Variants in CHN2 observed in about 807,000 individuals in gnomAD.
CHN2 encodes beta-chimaerin.
A neutral mutation model predicts 56.3 loss-of-function variants in CHN2; 35 were observed. That is an observed-to-expected ratio of 0.62 (90% CI 0.47 to 0.82). The LOEUF (loss-of-function observed/expected upper bound fraction) is 0.82, where lower values mean the gene tolerates loss of function less well. Among genes scored for constraint, CHN2 ranks in the 40% least tolerant of loss-of-function variants. The pLI, the probability that CHN2 is intolerant of heterozygous loss-of-function variation, is 0.00. For synonymous variants in CHN2, 210 were observed against 212.8 expected (o/e 0.99, Z 0.12); for missense variants, 491 against 580.5 (o/e 0.85, Z 1.58).
chr7:29,290,366 T>C (rs1261455931), intron 1 of CHN2, among the ~76,000 whole-genome samples: 1 of 152,240 alleles, frequency 6.6e-6, no homozygotes, highest in Non-Finnish European at 1.5e-5. Context: ...TGTGGTTCTG[T>C]GGATAGCGAA....
chr7:29,233,995 G>T (rs915315761), intron 1 of CHN2, among the ~76,000 whole-genome samples: 5 of 149,864 alleles, frequency 3.3e-5, no homozygotes, highest in African/African-American at 1.2e-4. Context: ...CACCACGCCC[G>T]GCTAATTTTT....
Position 29,271,816 on chromosome 7 carries a change from T to C in CHN2, c.49+76826T>C, listed in dbSNP as rs908631372. Among the ~76,000 whole-genome samples, 3 of 152,194 alleles carry C rather than the reference T, an allele frequency of 2.0e-5. No homozygotes were observed. The East Asian group carries it at 5.8e-4, about 29-fold the overall frequency. ...GACGTGAGTTAAAACTGGAGTCTGA[T>C]CATTTTGCTGCTTTTGAGCAGCTCC... On this transcript the variant is annotated intron_variant, in intron 1 of 12. Transcript: ENST00000222792.
chr7:29,467,069 ACT>A (rs1785606282), intron 6 of CHN2, among the ~76,000 whole-genome samples: 1 of 151,994 alleles, frequency 6.6e-6, no homozygotes. Flanking sequence ...ATTATTGTAC[ACT>A]CTTCACAAGC....
At chr7:29,302,280 T>TC (rs1413644963) in intron 1 of CHN2, among the ~76,000 whole-genome samples, 4 of 149,558 alleles carry the variant, frequency 2.7e-5, no homozygotes, top group African/African-American at 7.6e-5. Flanking sequence ...TTCTTCCTCC[T>TC]CTTCTTCTTC....
intron 1 of CHN2, among the ~76,000 whole-genome samples, chr7:29,318,015 G>A (rs1795080340): frequency 1.3e-5 from 2 of 152,302 alleles, no homozygotes; most frequent in South Asian, 2.1e-4. Context: ...AAACAGATGT[G>A]TGGTACTTGA....
intron 6 of CHN2, among the ~76,000 whole-genome samples, chr7:29,426,854 T>C (rs1490755670): frequency 6.6e-6 from 1 of 152,226 alleles, no homozygotes; most frequent in Non-Finnish European, 1.5e-5. Context: ...ACTTCCTTGC[T>C]GGCTGTCCGC....
At chr7:29,318,511 T>C (rs2062989384) in intron 1 of CHN2, among the ~76,000 whole-genome samples, 2 of 152,252 alleles carry the variant, frequency 1.3e-5, no homozygotes, top group South Asian at 4.1e-4. Flanking sequence ...GCTGAGCCTG[T>C]CCTGGGAGGA....
At chr7:29,367,866 C>A (rs1221487777) in intron 2 of CHN2, 66 bp from the exon 3 acceptor site, 3 of 1,356,292 alleles carry the variant, frequency 2.2e-6, no homozygotes, top group East Asian at 5.0e-5. Context: ...TTTGAAGGCA[C>A]GTTGATATGT....
At chr7:29,286,479 G>T (rs1792160694) in intron 1 of CHN2, among the ~76,000 whole-genome samples, 1 of 152,142 alleles carries the variant, frequency 6.6e-6, no homozygotes, top group African/African-American at 2.4e-5. Flanking sequence ...GGACAAGGCT[G>T]TGTTTACCTC....
intron 6 of CHN2, among the ~76,000 whole-genome samples, chr7:29,420,628 G>T (rs1241452786): frequency 6.6e-6 from 1 of 152,166 alleles, no homozygotes; most frequent in Non-Finnish European, 1.5e-5. Context: ...AATGCAGAAT[G>T]GTTGTCAAGG....
At chr7:29,234,142 A>T (rs754326363) in intron 1 of CHN2, among the ~76,000 whole-genome samples, 2 of 152,056 alleles carry the variant, frequency 1.3e-5, no homozygotes, top group Non-Finnish European at 2.9e-5. Flanking sequence ...CAACACCTTG[A>T]TTTTACCTTG....
chr7:29,155,087 A>G (rs1794162777), intron 2 of CHN2, among the ~76,000 whole-genome samples: 1 of 152,060 alleles, frequency 6.6e-6, no homozygotes, highest in African/African-American at 2.4e-5. Flanking sequence ...ACAGCACAGG[A>G]CCTGCCCCCA....
intron 1 of CHN2, among the ~76,000 whole-genome samples, chr7:29,258,657 G>A (rs1450996943): frequency 2.6e-5 from 4 of 152,206 alleles, no homozygotes; most frequent in African/African-American, 7.2e-5. Context: ...TGAGGACACA[G>A]CTTCTGATTA....
intron 1 of CHN2, among the ~76,000 whole-genome samples, chr7:29,251,357 G>T (rs1788504628): frequency 6.6e-6 from 1 of 152,144 alleles, no homozygotes; most frequent in Non-Finnish European, 1.5e-5. Flanking sequence ...AGGAGGCTGA[G>T]GTGGGAGGAT....
At chr7:29,276,228 C>T (rs968918829) in intron 1 of CHN2, among the ~76,000 whole-genome samples, 2 of 152,010 alleles carry the variant, frequency 1.3e-5, no homozygotes, top group Admixed American at 6.6e-5. Flanking sequence ...AAGAAATCCA[C>T]GTGGAGTTTC....
At chr7:29,207,932 T>G (rs1448646174) in intron 1 of CHN2, among the ~76,000 whole-genome samples, 1 of 152,184 alleles carries the variant, frequency 6.6e-6, no homozygotes, top group Non-Finnish European at 1.5e-5. Flanking sequence ...AAAAATGCAT[T>G]TGATCAGATC....
At chr7:29,505,030 G>C (rs892111091) in intron 10 of CHN2, among the ~76,000 whole-genome samples, 1 of 152,092 alleles carries the variant, frequency 6.6e-6, no homozygotes, top group Non-Finnish European at 1.5e-5. Flanking sequence ...ACTGTCAATG[G>C]GCAGACAATC....
chr7:29,400,151 A>T (rs1315126606), intron 5 of CHN2: 1 of 218,064 alleles, frequency 4.6e-6, no homozygotes, highest in African/African-American at 2.3e-5. Flanking sequence ...CCGTTAAGTA[A>T]GTTTACAGGT....
chr7:29,340,170 C>G (rs1053709278), intron 1 of CHN2, among the ~76,000 whole-genome samples: 1 of 151,972 alleles, frequency 6.6e-6, no homozygotes, highest in African/African-American at 2.4e-5. Context: ...TCCATGAAAT[C>G]GAGTTGAAGA....
Sources: allele counts gnomAD v4.1 joint callset (sites outside exome capture counted in the v4.1 genomes callset), GRCh38; gene constraint gnomAD v4.1.1; transcripts MANE v1.5; gene names NCBI Gene and HGNC (gene_info 2026-07-23, HGNC 2026-07-21).